DSC2: variants seen among roughly 807,000 people sequenced by gnomAD.
DSC2 encodes the protein desmocollin 2.
DSC2 carries 51 observed loss-of-function variants against 87.6 expected under a neutral mutation model. The observed-to-expected ratio is 0.58, with a 90% CI of 0.46 to 0.74. DSC2 has a LOEUF of 0.74. DSC2 is among the 30% of genes least tolerant of loss of function. The pLI, the probability that DSC2 is intolerant of heterozygous loss-of-function variation, is 0.00. For missense variants in DSC2, 1,066 were observed against 1,089.5 expected, an observed-to-expected ratio of 0.98 and a Z score of 0.30; for synonymous variants, 383 against 393.2, an observed-to-expected ratio of 0.97 and a Z score of 0.31.
At chr18:31,080,449 T>C in intron 9 of DSC2, 97 bp from the exon 10 acceptor site, 2 of 1,438,506 alleles carry the variant, frequency 1.4e-6, no homozygotes. Flanking sequence ...ATATGTTAAG[T>C]GTCATGTTGG....
chr18:31,100,143 G>A (rs1987889737), intron 1 of DSC2, among the ~76,000 whole-genome samples: 1 of 152,194 alleles, frequency 6.6e-6, no homozygotes, highest in Non-Finnish European at 1.5e-5. Flanking sequence ...TTGCACAGAT[G>A]TGCACAGAGC....
intron 1 of DSC2, 50 bp downstream of exon 1, chr18:31,101,853 C>T (rs2144873747): frequency 1.3e-6 from 2 of 1,513,878 alleles, no homozygotes; most frequent in South Asian, 1.2e-5. Context: ...TTCCTCTGCA[C>T]CCTAGGCGAT....
intron 8 of DSC2, 134 bp downstream of exon 8, chr18:31,082,792 A>G (rs1598583536): frequency 6.2e-6 from 6 of 962,826 alleles, no homozygotes; most frequent in Non-Finnish European, 9.7e-6. Flanking sequence ...TCCTGACCTC[A>G]GGTGATCCGC....
intron 11 of DSC2, 22 bp from the exon 12 acceptor site, chr18:31,074,929 T>C (rs1228633873): frequency 1.9e-6 from 3 of 1,593,186 alleles, no homozygotes; most frequent in South Asian, 1.1e-5. Flanking sequence ...AAAATAAAAA[T>C]AGTTTTTCTA....
intron 1 of DSC2, among the ~76,000 whole-genome samples, chr18:31,094,406 T>C (rs564587028): frequency 1.0e-3 from 153 of 152,356 alleles, no homozygotes; most frequent in African/African-American, 3.4e-3. Flanking sequence ...TAAATAAAAG[T>C]TAAGTTCATT....
At chr18:31,101,507 A>T (rs1987950588) in intron 1 of DSC2, 1 of 153,778 alleles carries the variant, frequency 6.5e-6, no homozygotes, top group African/African-American at 2.7e-5. Context: ...GCCAGAGGCC[A>T]GCTGGACGGC....
In DSC2 at chr18:31,082,693, G is replaced by A. The variant is rs138989161; in HGVS notation, c.1077+233C>T. ...CTGCCTCAGCTTCCCGAGTAGATGGGATTACAGGTGCCTGTCACCATGCCC... is the reference window on the plus strand; with the variant it reads ...CTGCCTCAGCTTCCCGAGTAGATGGAATTACAGGTGCCTGTCACCATGCCC... On this transcript the variant is annotated intron_variant, in intron 8 of 15. Coordinates refer to ENST00000280904, the MANE Select transcript of DSC2 (RefSeq NM_024422.6). Among the ~76,000 whole-genome samples the A allele has an allele frequency of 6.4e-3, 981 of 152,166 alleles. 8 individuals carry two copies. Among genetic ancestry groups the A allele is most frequent in the African/African-American group, 0.022 (913 of 41,496 alleles).
At chr18:31,070,582 T>A in intron 14 of DSC2, 144 bp downstream of exon 14, 4 of 1,102,876 alleles carry the variant, frequency 3.6e-6, no homozygotes, top group Non-Finnish European at 3.9e-6. Context: ...CAAAGTCATT[T>A]TATCTGTTTC....
At chr18:31,095,448 C>A (rs1416988059) in intron 1 of DSC2, among the ~76,000 whole-genome samples, 1 of 152,148 alleles carries the variant, frequency 6.6e-6, no homozygotes. Flanking sequence ...TACAGAATCA[C>A]TCTACTAGTT....
At chr18:31,097,903 TTTTA>T (rs977883726) in intron 1 of DSC2, among the ~76,000 whole-genome samples, 46 of 150,570 alleles carry the variant, frequency 3.1e-4, no homozygotes, top group African/African-American at 1.1e-3. Context: ...TTTATTCATA[TTTTA>T]TTATGAGTGA....
intron 12 of DSC2, among the ~76,000 whole-genome samples, chr18:31,074,111 T>C (rs1446841029): frequency 6.6e-6 from 1 of 152,154 alleles, no homozygotes; most frequent in Admixed American, 6.5e-5. Flanking sequence ...TGAAGGCCCA[T>C]TTAGCTCAGA....
Position 31,082,285 on chromosome 18 carries a change from T to C in DSC2, c.1216A>G (p.Ile406Val), listed in dbSNP as rs757383569. 2 of 1,613,826 alleles carry C rather than the reference T, an allele frequency of 1.2e-6. No individual in the cohort carries two copies. The highest frequency in any genetic ancestry group is 2.2e-5 in the South Asian group (2 of 91,030). Reference protein sequence around the residue: ...LKGNENGNFKIVTDAKTNEGV... With the variant: ...LKGNENGNFKVVTDAKTNEGV... ...TCATTGGTTTTGGCATCTGTTACAA[T>C]TTTAAAATTGCCATTTTCATTGCCC... is the stretch of plus-strand genomic sequence containing the variant. Residue 406 changes from isoleucine to valine, a missense_variant, in exon 9 of 16, where the codon ATT becomes GTT. Physicochemically the swap from Ile to Val is conservative, Grantham distance 29. Coordinates refer to ENST00000280904, the MANE Select transcript of DSC2 (RefSeq NM_024422.6).
chr18:31,101,933 G>C lies in DSC2; in HGVS notation c.39C>G (p.Ala13=). 6.5e-7 allele frequency: 1 copy of C among 1,530,508 alleles called. No homozygotes were observed. Among genetic ancestry groups the C allele is most frequent in the Non-Finnish European group, 8.7e-7 (1 of 1,143,936 alleles). The allele number at this position is 1,530,508 out of a possible 1,614,324, so 94.8% of individuals were successfully genotyped here. The change falls in exon 1 of 16, where the codon GCC becomes GCG. Residue 13 remains alanine (A), a synonymous_variant. Transcript: ENST00000280904. The part of the protein sequence containing the change: ...AARPSGSWNG[A]LCRLLLLTLA... Reference sequence around the variant, plus strand: ...GGGTCAGCAGGAGCAGCCGGCAGAGGGCTCCGTTCCAGGAGCCGGAGGGGC... The same window carrying C: ...GGGTCAGCAGGAGCAGCCGGCAGAGCGCTCCGTTCCAGGAGCCGGAGGGGC...
chr18:31,101,705 T>C (rs1987964034), intron 1 of DSC2, 198 bp downstream of exon 1: 1 of 597,296 alleles, frequency 1.7e-6, no homozygotes, highest in African/African-American at 1.9e-5. Flanking sequence ...TCCCTTCCCT[T>C]GGGGATCCCA....
At position 31,064,785 on chromosome 18, in the gene DSC2, G is replaced by A. The variant is rs1790692; in HGVS notation, c.*3230C>T. On this transcript the variant is annotated 3_prime_UTR_variant, in exon 16 of 16. Coordinates refer to ENST00000280904, the MANE Select transcript of DSC2 (RefSeq NM_024422.6). ...AGAAGGGAAAGCATTTTATTTTGGA[G>A]ATGATACTAAAGGGGCTGATCAGAG... The A allele has an allele frequency of 0.084, 12,779 of 152,176 alleles. 691 individuals carry two copies. The highest frequency in any genetic ancestry group is 0.13 in the Non-Finnish European group (8,757 of 67,980). 9.4% of individuals were successfully genotyped at this position (152,176 alleles called of 1,614,324 possible).
rs1986582294 is a variant in DSC2, at chr18:31,065,104, A to G, written c.*2911T>C. On this transcript the variant is annotated 3_prime_UTR_variant, in exon 16 of 16. Transcript: ENST00000280904. The stretch of plus-strand genomic sequence containing the variant: ...TTACCTGCCTTTTCAGTTAAGCATC[A>G]AGATTTATCACACTGACTTCTGGCT... 6.6e-6 allele frequency: 1 copy of G among 152,198 alleles called. No homozygotes were observed. The highest frequency in any genetic ancestry group is 2.1e-4 in the South Asian group (1 of 4,830). 9.4% of individuals were successfully genotyped at this position (152,198 alleles called of 1,614,324 possible). A position where few individuals can be genotyped will look rare whatever the true frequency, so the allele number is the denominator to read the frequency against.
rs769219956 is a variant in DSC2, at chr18:31,083,054, C to T, written c.949G>A (p.Asp317Asn). The T allele has an allele frequency of 1.5e-5, 24 of 1,611,318 alleles. No homozygotes were observed. Among genetic ancestry groups the T allele is most frequent in the Non-Finnish European group, 1.9e-5 (22 of 1,178,960 alleles). The change falls in exon 8 of 16, where the codon GAC becomes AAC. Residue 317 changes from aspartate (D) to asparagine (N), a missense_variant. Transcript: ENST00000280904. ...ACTTTTATTTTCAACTGGTACTTGTCAATTAACTGAAAACAAAAAAAGAAT... is the reference window on the plus strand; with the variant it reads ...ACTTTTATTTTCAACTGGTACTTGTTAATTAACTGAAAACAAAAAAAGAAT... ...TSSQLDRELIDKYQLKIKVQD... is the reference protein window; with the variant it reads ...TSSQLDRELINKYQLKIKVQD...
intron 11 of DSC2, among the ~76,000 whole-genome samples, chr18:31,078,046 A>G (rs1409247555): frequency 6.6e-6 from 1 of 152,200 alleles, no homozygotes; most frequent in East Asian, 1.9e-4. Context: ...AAGCCTTGAG[A>G]GAGAGTTTTA....
chr18:31,079,779 G>C (rs1351668701), intron 11 of DSC2, 68 bp downstream of exon 11: 3 of 1,577,638 alleles, frequency 1.9e-6, no homozygotes, highest in South Asian at 1.1e-5. Flanking sequence ...AATGTATACT[G>C]TTGGCTTAAA....
Sources: gnomAD v4.1 joint callset for allele counts (sites outside exome capture counted in the v4.1 genomes callset) on GRCh38, gnomAD v4.1.1 for gene constraint, MANE v1.5 for transcripts, NCBI Gene and HGNC (gene_info 2026-07-23, HGNC 2026-07-21) for gene names.